Variants in TENT5D observed in about 807,000 individuals in gnomAD.
TENT5D encodes terminal nucleotidyltransferase 5D.
For missense variants in TENT5D, 191 were observed against 287.0 expected (o/e 0.67, Z 2.42); for synonymous variants, 103 against 100.6 (o/e 1.02, Z -0.15).
At chrX:80,350,974 A>G (rs768729334) in intron 3 of TENT5D, among the ~76,000 whole-genome samples, 1 of 111,673 alleles carries the variant, frequency 9.0e-6, no homozygotes, top group Non-Finnish European at 1.9e-5. Context: ...ATTGGCCTCC[A>G]TTCTCTTCTA....
intron 2 of TENT5D, among the ~76,000 whole-genome samples, chrX:80,340,668 C>A (rs181225837): frequency 9.0e-6 from 1 of 111,194 alleles, no homozygotes; most frequent in African/African-American, 3.3e-5. Flanking sequence ...GTAGACATTT[C>A]GGTCTGTACA....
At chrX:80,362,056 C>T (rs1193705843) in intron 3 of TENT5D, among the ~76,000 whole-genome samples, 1 of 111,469 alleles carries the variant, frequency 9.0e-6, no homozygotes, top group Non-Finnish European at 1.9e-5. Flanking sequence ...GTGTTTAGCT[C>T]CCACTTAAAT....
intron 3 of TENT5D, among the ~76,000 whole-genome samples, chrX:80,369,555 A>G (rs1452149537): frequency 1.8e-5 from 2 of 112,299 alleles, no homozygotes; most frequent in Non-Finnish European, 3.8e-5. Flanking sequence ...AAAACAGGTC[A>G]AAATACTGTT....
intron 3 of TENT5D, among the ~76,000 whole-genome samples, chrX:80,393,400 T>G (rs1602204838): frequency 9.0e-6 from 1 of 111,036 alleles, no homozygotes; most frequent in Non-Finnish European, 1.9e-5. Flanking sequence ...CCTCCCATTG[T>G]GTTTAAGTTT....
At chrX:80,384,031 AGAAAAAGAGG>A (rs1326883612) in intron 3 of TENT5D, among the ~76,000 whole-genome samples, 3 of 110,415 alleles carry the variant, frequency 2.7e-5, no homozygotes, top group Non-Finnish European at 5.7e-5. Flanking sequence ...TCCAATCAAT[AGAAAAAGAGG>A]GAAAAAGAGG....
intron 3 of TENT5D, among the ~76,000 whole-genome samples, chrX:80,402,200 G>A (rs1433242530): frequency 9.0e-6 from 1 of 111,527 alleles, no homozygotes; most frequent in East Asian, 2.8e-4. Context: ...ATTGTTGATA[G>A]TAGTCTGCTA....
chrX:80,357,267 G>A (rs1312136942), intron 3 of TENT5D, among the ~76,000 whole-genome samples: 1 of 110,759 alleles, frequency 9.0e-6, no homozygotes. Flanking sequence ...AATCCTTTGG[G>A]TATATACCCA....
At chrX:80,360,049 A>G (rs1267146932) in intron 3 of TENT5D, among the ~76,000 whole-genome samples, 2 of 112,215 alleles carry the variant, frequency 1.8e-5, no homozygotes, top group Non-Finnish European at 3.8e-5. Flanking sequence ...ATGTGATATT[A>G]AAAGAGTTTT....
chrX:80,369,841 T>C (rs1930587675), intron 3 of TENT5D, among the ~76,000 whole-genome samples: 1 of 111,801 alleles, frequency 8.9e-6, no homozygotes, highest in Non-Finnish European at 1.9e-5. Flanking sequence ...TCTGTAGGTG[T>C]TCAGGGGGCA....
At chrX:80,393,801 G>T (rs1931185775) in intron 3 of TENT5D, among the ~76,000 whole-genome samples, 1 of 111,766 alleles carries the variant, frequency 8.9e-6, no homozygotes, top group African/African-American at 3.3e-5. Context: ...GTGAAACCAT[G>T]CAGTATTTGT....
chrX:80,434,612 G>T (rs1932148507), intron 1 of TENT5D, among the ~76,000 whole-genome samples: 1 of 110,842 alleles, frequency 9.0e-6, no homozygotes, highest in Non-Finnish European at 1.9e-5. Flanking sequence ...TGTTGTTTTG[G>T]TATATGAACC....
rs1343294144 is a variant in TENT5D, at chrX:80,408,297, A to T, written c.-141-30313A>T. ...AGAGACACAAAAAACCCTTCAAAAA[A>T]TTAATGAATCCAGGAGCTGGTTTTT... On this transcript the variant is annotated intron_variant, in intron 3 of 4. Coordinates refer to the TENT5D transcript ENST00000538312. 1.8e-4 allele frequency among the ~76,000 whole-genome samples: 19 copies of T among 107,779 alleles called. No individual in the cohort carries two copies. The East Asian group carries it at 5.0e-3, about 28-fold the overall frequency. 93.6% of individuals were successfully genotyped at this position (107,779 alleles called of 115,157 possible).
At chrX:80,363,595 T>A (rs1930450051) in intron 3 of TENT5D, among the ~76,000 whole-genome samples, 2 of 112,343 alleles carry the variant, frequency 1.8e-5, no homozygotes, top group Non-Finnish European at 3.8e-5. Context: ...CAATGTGCCG[T>A]AAAGTTCGAA....
At chrX:80,407,169 A>G (rs1931517864) in intron 3 of TENT5D, among the ~76,000 whole-genome samples, 1 of 109,409 alleles carries the variant, frequency 9.1e-6, no homozygotes. Flanking sequence ...AAGACCATCG[A>G]GACTAGGAAG....
At chrX:80,372,814 G>A (rs1930650639) in intron 3 of TENT5D, among the ~76,000 whole-genome samples, 1 of 107,854 alleles carries the variant, frequency 9.3e-6, no homozygotes, top group Non-Finnish European at 1.9e-5. Flanking sequence ...TTGAACCTGG[G>A]AGGTGGAGGT....
At chrX:80,443,362 G>A in exon 3 of TENT5D, 1 of 1,210,767 alleles carries the variant, frequency 8.3e-7, no homozygotes, top group Non-Finnish European at 1.1e-6. Flanking sequence ...TCATATAGAA[G>A]AACAGCAAAA....
chrX:80,419,040 G>A (rs1931832354), upstream of TENT5D, among the ~76,000 whole-genome samples: 1 of 110,841 alleles, frequency 9.0e-6, no homozygotes, highest in South Asian at 3.8e-4. Flanking sequence ...TTTTCAATGG[G>A]ATCATAGACC....
At chrX:80,361,643 C>A (rs1475969787) in intron 3 of TENT5D, among the ~76,000 whole-genome samples, 2 of 111,114 alleles carry the variant, frequency 1.8e-5, no homozygotes, top group African/African-American at 6.6e-5. Context: ...TTTAGTATAT[C>A]TTTATTTTGT....
At chrX:80,434,779 T>G (rs759238552) in intron 1 of TENT5D, among the ~76,000 whole-genome samples, 2 of 106,198 alleles carry the variant, frequency 1.9e-5, no homozygotes, top group Admixed American at 2.0e-4. Flanking sequence ...TTCGTTTTTT[T>G]CTTTGTTTTT....
Sources: allele counts gnomAD v4.1 joint callset (sites outside exome capture counted in the v4.1 genomes callset), GRCh38; gene constraint gnomAD v4.1.1; transcripts MANE v1.5; gene names NCBI Gene and HGNC (gene_info 2026-07-23, HGNC 2026-07-21).